The following STARD3 variants were observed in gnomAD, a reference collection of about 807,000 sequenced individuals.
STARD3 encodes the protein stAR-related lipid transfer protein 3.
STARD3 carries 39 observed loss-of-function variants against 62.0 expected under a neutral mutation model. That is an observed-to-expected ratio of 0.63 (90% CI 0.49 to 0.82). STARD3 has a LOEUF of 0.82. Ranked by LOEUF, STARD3 falls within the 40% of genes least tolerant of loss-of-function variation. STARD3 has a pLI of 0.00. For missense variants in STARD3, 543 were observed against 584.5 expected (o/e 0.93, Z 0.73); for synonymous variants, 229 against 242.4 (o/e 0.94, Z 0.51).
At chr17:39,656,769 A>G (rs761475374) in intron 2 of STARD3, 1 of 521,460 alleles carries the variant, frequency 1.9e-6, no homozygotes, top group Non-Finnish European at 3.4e-6. Flanking sequence ...AGGGTGCTGG[A>G]AGCTAGCCCT....
At chr17:39,661,279 G>A (rs927554027) in intron 13 of STARD3, 194 bp downstream of exon 13, 1 of 609,432 alleles carries the variant, frequency 1.6e-6, no homozygotes, top group African/African-American at 1.8e-5. Context: ...GATGGGGGGT[G>A]GTGGACAGCT....
At position 39,658,774 on chromosome 17, in the gene STARD3, T is replaced by C; in HGVS notation, c.600T>C (p.Gly200=). 6.2e-7 allele frequency: 1 copy of C among 1,614,016 alleles called. No homozygotes were observed. Among genetic ancestry groups the C allele is most frequent in the Non-Finnish European group, 8.5e-7 (1 of 1,179,968 alleles). The change falls in exon 7 of 15, where the codon GGT becomes GGC. Residue 200 remains glycine, a synonymous_variant. Coordinates refer to ENST00000336308, the MANE Select transcript of STARD3 (RefSeq NM_006804.4). ...CCCGTGGACCCCTGCTGTTCTCCGG[T>C]GCTCTGTCCGAGGGACAGTTCTATT... The part of the protein sequence containing the change: ...AVARGPLLFS[G]ALSEGQFYSP...
At chr17:39,658,593 G>C (rs972580612) in intron 6 of STARD3, 71 bp downstream of exon 6, 3 of 1,569,852 alleles carry the variant, frequency 1.9e-6, no homozygotes, top group Admixed American at 3.4e-5. Flanking sequence ...TTGCGGGCAT[G>C]AGAGTCAGTC....
intron 1 of STARD3, among the ~76,000 whole-genome samples, chr17:39,651,371 C>A (rs1249502353): frequency 6.6e-6 from 1 of 152,182 alleles, no homozygotes. Flanking sequence ...TGGCAGGACA[C>A]CTCAGGAGGG....
At chr17:39,657,341 C>T (rs2057140933) in intron 3 of STARD3, among the ~76,000 whole-genome samples, 1 of 152,038 alleles carries the variant, frequency 6.6e-6, no homozygotes, top group Admixed American at 6.6e-5. Flanking sequence ...GCTTGGCCAT[C>T]ATGGTGAAAC....
intron 1 of STARD3, chr17:39,651,977 G>A (rs1290480128): frequency 1.3e-5 from 2 of 152,240 alleles, no homozygotes; most frequent in Non-Finnish European, 2.9e-5. Context: ...TACATGGCAG[G>A]GAGGGAGTGC....
intron 1 of STARD3, among the ~76,000 whole-genome samples, chr17:39,652,284 AT>A (rs1222833384): frequency 5.3e-5 from 8 of 152,288 alleles, no homozygotes; most frequent in African/African-American, 1.9e-4. Context: ...CTGAGCATTC[AT>A]TTATTCAACA....
At chr17:39,642,675 A>G (rs1030589246) in intron 1 of STARD3, among the ~76,000 whole-genome samples, 3 of 152,180 alleles carry the variant, frequency 2.0e-5, no homozygotes, top group Admixed American at 6.5e-5. Flanking sequence ...TGAATGTATC[A>G]TATGTCAGGG....
chr17:39,649,531 C>G (rs76970874), intron 1 of STARD3, among the ~76,000 whole-genome samples: 2,270 of 152,174 alleles, frequency 0.015, 68 homozygotes, highest in African/African-American at 0.052. Context: ...AAGCAAGAGC[C>G]CATCTGTAGT....
At position 39,657,865 on chromosome 17, in the gene STARD3, T is replaced by C. The variant is rs763617863; in HGVS notation, c.375+13T>C. 1.2e-6 allele frequency: 2 copies of C among 1,614,178 alleles called. No individual in the cohort carries two copies. Among genetic ancestry groups the C allele is most frequent in the Non-Finnish European group, 8.5e-7 (1 of 1,180,000 alleles). On this transcript the variant is annotated intron_variant, in intron 4 of 14. Transcript: ENST00000336308. ...GTGGGTGATTGCGGTAAGATGCCACTTTCCTGGCAGCTTCTGGGCCCTGGC... is the reference window on the plus strand; with the variant it reads ...GTGGGTGATTGCGGTAAGATGCCACCTTCCTGGCAGCTTCTGGGCCCTGGC...
Position 39,663,650 on chromosome 17 carries a change from C to T in STARD3, c.*742C>T, listed in dbSNP as rs1290246853. 1.0e-4 allele frequency among the ~76,000 whole-genome samples: 15 copies of T among 149,612 alleles called. No homozygotes were observed. Among genetic ancestry groups the T allele is most frequent in the Admixed American group, 6.6e-5 (1 of 15,058 alleles). ...CCCCCATTCCCCCCCCGCCCACCCCCCACTCCCCGCTTTCCTGACCAGTTC... is the reference window on the plus strand; with the variant it reads ...CCCCCATTCCCCCCCCGCCCACCCCTCACTCCCCGCTTTCCTGACCAGTTC... On this transcript the variant is annotated 3_prime_UTR_variant, in exon 15 of 15. Coordinates refer to ENST00000336308, the MANE Select transcript of STARD3 (RefSeq NM_006804.4).
rs1453290702 is a variant in STARD3 at position 39,663,652 on chromosome 17, A to T, written c.*744A>T. On this transcript the variant is annotated 3_prime_UTR_variant, in exon 15 of 15. Transcript: ENST00000336308. ...CCCATTCCCCCCCCGCCCACCCCCCACTCCCCGCTTTCCTGACCAGTTCAA... is the reference window on the plus strand; with the variant it reads ...CCCATTCCCCCCCCGCCCACCCCCCTCTCCCCGCTTTCCTGACCAGTTCAA... Among the ~76,000 whole-genome samples, 1 of 36,572 alleles carries T rather than the reference A, an allele frequency of 2.7e-5. No homozygotes were observed. The highest frequency in any genetic ancestry group is 1.1e-4 in the African/African-American group (1 of 9,414). 24.0% of individuals were successfully genotyped at this position (36,572 alleles called of 152,430 possible).
At chr17:39,656,065 G>A (rs914324412) in intron 2 of STARD3, among the ~76,000 whole-genome samples, 4 of 152,124 alleles carry the variant, frequency 2.6e-5, no homozygotes, top group Non-Finnish European at 5.9e-5. Context: ...CAGAGGAGAG[G>A]TGGCATCAGA....
At chr17:39,658,545 G>T (rs889080509) in intron 6 of STARD3, 23 bp downstream of exon 6, 4 of 1,607,092 alleles carry the variant, frequency 2.5e-6, no homozygotes, top group Admixed American at 3.3e-5. Flanking sequence ...GGGTAGGGGG[G>T]TGCAGCGAGG....
At chr17:39,644,851 C>CAAAA (rs35361174) in intron 1 of STARD3, among the ~76,000 whole-genome samples, 1 of 116,884 alleles carries the variant, frequency 8.6e-6, no homozygotes. Flanking sequence ...GACAGAGTCT[C>CAAAA]AAAAAAAAAA....
chr17:39,649,286 C>T (rs1270502164), intron 1 of STARD3, among the ~76,000 whole-genome samples: 1 of 152,176 alleles, frequency 6.6e-6, no homozygotes, highest in Non-Finnish European at 1.5e-5. Context: ...AATACCACTT[C>T]TAGGAATCTG....
rs750375272 is a variant in STARD3, at chr17:39,653,499, G to C, written c.-33G>C. On this transcript the variant is annotated 5_prime_UTR_variant, in exon 2 of 15. Coordinates refer to ENST00000336308, the MANE Select transcript of STARD3 (RefSeq NM_006804.4). The stretch of plus-strand genomic sequence containing the variant: ...CCCCCAGCCCTGCTGCTGAGGCCGC[G>C]CCCTCCCCGCCCTGAGGTGGGGGCC... 150 of 1,594,366 alleles carry C rather than the reference G, an allele frequency of 9.4e-5. No individual in the cohort carries two copies. Among genetic ancestry groups the C allele is most frequent in the African/African-American group, 7.0e-4 (52 of 74,318 alleles).
intron 1 of STARD3, among the ~76,000 whole-genome samples, chr17:39,645,044 T>TG (rs2057012602): frequency 6.6e-6 from 1 of 152,106 alleles, no homozygotes; most frequent in South Asian, 2.1e-4. Context: ...AATTGAAAAT[T>TG]GGAGGTGGGT....
chr17:39,663,020 A>T lies in STARD3; in HGVS notation c.*112A>T. On this transcript the variant is annotated 3_prime_UTR_variant, in exon 15 of 15. Coordinates refer to ENST00000336308, the MANE Select transcript of STARD3 (RefSeq NM_006804.4). ...ACATGGGACCTGGCCCCAGGCTGTCACCCTCCACCGAGCCACGCAGTGCCT... is the reference window on the plus strand; with the variant it reads ...ACATGGGACCTGGCCCCAGGCTGTCTCCCTCCACCGAGCCACGCAGTGCCT... The T allele has an allele frequency of 9.2e-7, 1 of 1,085,360 alleles. No individual in the cohort carries two copies. The highest frequency in any genetic ancestry group is 1.3e-6 in the Non-Finnish European group (1 of 771,588). The allele number at this position is 1,085,360 out of a possible 1,614,324, so 67.2% of individuals were successfully genotyped here.
Sources: gnomAD v4.1 joint callset for allele counts (sites outside exome capture counted in the v4.1 genomes callset) on GRCh38, gnomAD v4.1.1 for gene constraint, MANE v1.5 for transcripts, NCBI Gene and HGNC (gene_info 2026-07-23, HGNC 2026-07-21) for gene names.